Variants in PTPRG observed in about 807,000 individuals in gnomAD.
PTPRG encodes the protein receptor-type tyrosine-protein phosphatase gamma.
A neutral mutation model predicts 165.3 loss-of-function variants in PTPRG; 102 were observed. That is an observed-to-expected ratio of 0.62 (90% CI 0.53 to 0.73). The LOEUF is 0.73. Ranked by LOEUF, PTPRG falls within the 30% of genes least tolerant of loss-of-function variation. The probability of loss-of-function intolerance (pLI) is 0.00; values close to 1 mark genes in which losing one functional copy is unlikely to be tolerated. For missense variants in PTPRG, 1,866 were observed against 1,861.4 expected (o/e 1.00, Z -0.05); for synonymous variants, 675 against 669.5 (o/e 1.01, Z -0.13).
At chr3:61,885,675 T>TCCCCTCCCTCCTCCCTCCTCC (rs2038012043) in intron 2 of PTPRG, among the ~76,000 whole-genome samples, 1 of 2,788 alleles carries the variant, frequency 3.6e-4, no homozygotes, top group African/African-American at 1.2e-3. Context: ...TCCTCTCCTC[T>TCCCCTCCCTCCTCCCTCCTCC]CCTCTCCTCT....
chr3:61,963,158 C>G (rs2040192618), intron 2 of PTPRG, among the ~76,000 whole-genome samples: 1 of 152,044 alleles, frequency 6.6e-6, no homozygotes, highest in Non-Finnish European at 1.5e-5. Context: ...ACATGCTGTT[C>G]TGCACTTTTA....
intron 5 of PTPRG, among the ~76,000 whole-genome samples, chr3:62,106,005 A>G (rs1475616120): frequency 6.6e-6 from 1 of 152,218 alleles, no homozygotes; most frequent in Non-Finnish European, 1.5e-5. Flanking sequence ...TTTCTGCCTT[A>G]TAAATATCAA....
At chr3:62,009,751 C>T (rs996632836) in intron 4 of PTPRG, among the ~76,000 whole-genome samples, 2 of 152,144 alleles carry the variant, frequency 1.3e-5, no homozygotes, top group African/African-American at 4.8e-5. Flanking sequence ...TGCAGGCACT[C>T]AGGTTCCTGC....
At position 61,837,974 on chromosome 3, in the gene PTPRG, C is replaced by T. The variant is rs113603837; in HGVS notation, c.190+88992C>T. On this transcript the variant is annotated intron_variant, in intron 2 of 29. Coordinates refer to ENST00000474889, the MANE Select transcript of PTPRG (RefSeq NM_002841.4). ...GGGACATCAGCCTTAATGGATCAGGCCCCCGACACTTTTGCCCACATTTAA... is the reference window on the plus strand; with the variant it reads ...GGGACATCAGCCTTAATGGATCAGGTCCCCGACACTTTTGCCCACATTTAA... 5.4e-3 allele frequency among the ~76,000 whole-genome samples: 816 copies of T among 152,310 alleles called. 10 individuals are homozygous for T. Among genetic ancestry groups the T allele is most frequent in the African/African-American group, 0.014 (601 of 41,574 alleles).
intron 12 of PTPRG, among the ~76,000 whole-genome samples, chr3:62,205,403 A>G (rs1201818009): frequency 6.6e-6 from 1 of 152,242 alleles, no homozygotes; most frequent in Non-Finnish European, 1.5e-5. Flanking sequence ...AGGCTTTGGC[A>G]GTAGAACATA....
chr3:61,599,393 C>G (rs987207267), intron 1 of PTPRG, among the ~76,000 whole-genome samples: 1 of 152,194 alleles, frequency 6.6e-6, no homozygotes, highest in African/African-American at 2.4e-5. Context: ...AGTGATGTAC[C>G]TGCCTTGGCT....
At chr3:61,818,259 A>T (rs1271421286) in intron 2 of PTPRG, among the ~76,000 whole-genome samples, 2 of 152,202 alleles carry the variant, frequency 1.3e-5, no homozygotes, top group Non-Finnish European at 2.9e-5. Context: ...TGATATTTTA[A>T]AATAAGACTA....
At chr3:62,064,231 A>G (rs993079378) in intron 4 of PTPRG, among the ~76,000 whole-genome samples, 1 of 152,180 alleles carries the variant, frequency 6.6e-6, no homozygotes, top group Non-Finnish European at 1.5e-5. Context: ...TCTTCTCCCC[A>G]GAGAAAACTA....
rs566155356 is a variant in PTPRG at position 62,195,825 on chromosome 3, G to A, written c.1327+655G>A. ...TTTGTTTGTTTTGAGATGAAGTCTC[G>A]CTCTGTTGCCCAAGCTGGAGTGCAG... On this transcript the variant is annotated intron_variant, in intron 10 of 29. Transcript: ENST00000474889. The surrounding 1 kb of genome is among the most constrained non-coding windows in gnomAD (Gnocchi z 4.4). 2.0e-5 allele frequency among the ~76,000 whole-genome samples: 3 copies of A among 152,106 alleles called. No individual in the cohort carries two copies. The highest frequency in any genetic ancestry group is 1.9e-4 in the East Asian group (1 of 5,144).
chr3:61,953,527 T>C (rs2039948344), intron 2 of PTPRG, among the ~76,000 whole-genome samples: 1 of 152,122 alleles, frequency 6.6e-6, no homozygotes, highest in African/African-American at 2.4e-5. Context: ...CCCTAGTAAA[T>C]TAAGGTTGTA....
chr3:62,047,995 C>T (rs186138127), intron 4 of PTPRG, among the ~76,000 whole-genome samples: 155 of 152,174 alleles, frequency 1.0e-3, no homozygotes, highest in African/African-American at 3.6e-3. Context: ...AGTAACCTGG[C>T]GCTCCATTAA....
rs1182003360 is a variant in PTPRG, at chr3:62,255,522, A to T, written c.2559+307A>T. On this transcript the variant is annotated intron_variant, in intron 16 of 29. Coordinates refer to ENST00000474889, the MANE Select transcript of PTPRG (RefSeq NM_002841.4). The surrounding 1 kb of genome is among the most constrained non-coding windows in gnomAD (Gnocchi z 4.0). The stretch of plus-strand genomic sequence containing the variant: ...ACATCTAATTCTAACTGGGAACAGC[A>T]GTCATAACACAAGGCTCCCTAATTC... Among the ~76,000 whole-genome samples the T allele has an allele frequency of 6.6e-6, 1 of 152,142 alleles. No individual in the cohort carries two copies. The highest frequency in any genetic ancestry group is 1.5e-5 in the Non-Finnish European group (1 of 68,020).
rs192082550 is a variant in PTPRG, at chr3:62,170,654, A to C, written c.1033+2491A>C. ...ATACGGCAAATTCATGTGTCATTCTACTAGGTTTGTTTGAATTATCATAGT... is the reference window on the plus strand; with the variant it reads ...ATACGGCAAATTCATGTGTCATTCTCCTAGGTTTGTTTGAATTATCATAGT... On this transcript the variant is annotated intron_variant, in intron 8 of 29. Coordinates refer to ENST00000474889, the MANE Select transcript of PTPRG (RefSeq NM_002841.4). Among the ~76,000 whole-genome samples, 66 of 152,260 alleles carry C rather than the reference A, an allele frequency of 4.3e-4. 1 individual carries two copies. In the East Asian group the frequency reaches 0.012, roughly 27 times the overall value.
rs1210001766 is a variant in PTPRG at position 61,773,852 on chromosome 3, A to G, written c.190+24870A>G. On this transcript the variant is annotated intron_variant, in intron 2 of 29. Coordinates refer to ENST00000474889, the MANE Select transcript of PTPRG (RefSeq NM_002841.4). ...TACAGTGGTGTGATCTTGGCTCACC[A>G]CAACCTCCGTCCCCCGTGTTCAAGC... Among the ~76,000 whole-genome samples the G allele has an allele frequency of 2.6e-5, 4 of 151,268 alleles. No homozygotes were observed. In the South Asian group the frequency reaches 6.3e-4, roughly 24 times the overall value.
At chr3:61,868,964 C>T (rs930780794) in intron 2 of PTPRG, among the ~76,000 whole-genome samples, 19 of 151,584 alleles carry the variant, frequency 1.3e-4, no homozygotes, top group African/African-American at 3.2e-4. Flanking sequence ...GGACTAGTCA[C>T]TTCTAATAAC....
chr3:62,184,229 G>A (rs1015236774), intron 8 of PTPRG, among the ~76,000 whole-genome samples: 7 of 152,186 alleles, frequency 4.6e-5, no homozygotes, highest in African/African-American at 1.7e-4. Flanking sequence ...CGCAGCTCCA[G>A]CTAGAAATGA....
intron 2 of PTPRG, among the ~76,000 whole-genome samples, chr3:61,940,042 G>A (rs535473567): frequency 2.2e-5 from 3 of 136,816 alleles, no homozygotes; most frequent in South Asian, 2.5e-4. Context: ...TGCCTCCCAG[G>A]TTCAAGCAAT....
At chr3:62,244,223 A>G (rs1157697798) in intron 15 of PTPRG, among the ~76,000 whole-genome samples, 1 of 152,232 alleles carries the variant, frequency 6.6e-6, no homozygotes, top group Non-Finnish European at 1.5e-5. Flanking sequence ...TTTTTCTAAG[A>G]TTCTTTCCTC....
At chr3:61,729,770 T>G (rs185962360) in intron 1 of PTPRG, among the ~76,000 whole-genome samples, 22 of 152,276 alleles carry the variant, frequency 1.4e-4, no homozygotes, top group Non-Finnish European at 2.8e-4. Context: ...TTATTTTTAT[T>G]TTCTTGTTTA....
Sources: allele counts gnomAD v4.1 joint callset (sites outside exome capture counted in the v4.1 genomes callset), GRCh38; gene constraint gnomAD v4.1.1; non-coding constraint Gnocchi (gnomAD v3.1); transcripts MANE v1.5; gene names NCBI Gene and HGNC (gene_info 2026-07-23, HGNC 2026-07-21).